PDE4D: variants seen among roughly 807,000 people sequenced by gnomAD.
The protein encoded by PDE4D is phosphodiesterase 4D.
PDE4D carries 24 observed loss-of-function variants against 87.4 expected under a neutral mutation model. The ratio of observed to expected loss-of-function variants is 0.27; its 90% CI spans 0.20 to 0.39. The LOEUF is 0.39. Among genes scored for constraint, PDE4D ranks in the 10% least tolerant of loss-of-function variants. PDE4D has a pLI of 1.00. For synonymous variants in PDE4D, 384 were observed against 383.2 expected (o/e 1.00, Z -0.02); for missense variants, 714 against 1,041.0 (o/e 0.69, Z 4.32).
rs59177482 is a variant in PDE4D at position 59,651,258 on chromosome 5, C to CAATAAT, written c.455+241904_455+241909dup. ...GCAACAGAGTGAGACTCTGTCTCAA[C>CAATAAT]AATAATAATAATAATAATAATAATA... On this transcript the variant is annotated intron_variant, in intron 1 of 14. Transcript: ENST00000340635. 5.7e-3 allele frequency among the ~76,000 whole-genome samples: 804 copies of CAATAAT among 142,242 alleles called. 6 individuals carry two copies. The highest frequency in any genetic ancestry group is 0.011 in the African/African-American group (415 of 38,408). 93.3% of individuals were successfully genotyped at this position (142,242 alleles called of 152,430 possible). A position where few individuals can be genotyped will look rare whatever the true frequency, so the allele number is the denominator to read the frequency against.
intron 1 of PDE4D, among the ~76,000 whole-genome samples, chr5:59,375,088 A>G (rs904372069): frequency 1.3e-5 from 2 of 152,226 alleles, no homozygotes; most frequent in African/African-American, 4.8e-5. Flanking sequence ...AGTTAGAAAG[A>G]TCTCAAGTCA....
intron 1 of PDE4D, among the ~76,000 whole-genome samples, chr5:59,842,646 C>T (rs985894812): frequency 6.6e-6 from 1 of 151,970 alleles, no homozygotes; most frequent in Admixed American, 6.6e-5. Context: ...TTCCACTGGC[C>T]ACATAATAAT....
At chr5:60,005,541 G>T (rs1764394191) in intron 2 of PDE4D, among the ~76,000 whole-genome samples, 2 of 151,952 alleles carry the variant, frequency 1.3e-5, no homozygotes, top group South Asian at 4.1e-4. Flanking sequence ...TGGATGCATT[G>T]ATTAATTTAT....
chr5:59,344,752 T>C (rs930101531), intron 1 of PDE4D, among the ~76,000 whole-genome samples: 1 of 152,192 alleles, frequency 6.6e-6, no homozygotes, highest in Non-Finnish European at 1.5e-5. Context: ...AATAAAGTGA[T>C]ATATTGTTTC....
chr5:59,296,704 C>T (rs968587439), intron 1 of PDE4D, among the ~76,000 whole-genome samples: 1 of 151,992 alleles, frequency 6.6e-6, no homozygotes, highest in Non-Finnish European at 1.5e-5. Context: ...GACCATGCTT[C>T]TTCATTATAC....
chr5:60,151,697 T>C (rs1781520413), intron 2 of PDE4D, among the ~76,000 whole-genome samples: 1 of 152,140 alleles, frequency 6.6e-6, no homozygotes, highest in African/African-American at 2.4e-5. Context: ...AGAGAAATAG[T>C]TTTACTTCTT....
chr5:60,181,877 A>AT (rs1209897792), intron 2 of PDE4D, among the ~76,000 whole-genome samples: 3 of 152,280 alleles, frequency 2.0e-5, no homozygotes, highest in African/African-American at 7.2e-5. Context: ...AAATGCTAAA[A>AT]TTTTTACTTT....
intron 1 of PDE4D, among the ~76,000 whole-genome samples, chr5:60,346,729 C>T (rs970520729): frequency 6.6e-6 from 1 of 152,078 alleles, no homozygotes; most frequent in African/African-American, 2.4e-5. Flanking sequence ...AAAATAGAGT[C>T]TGGAATAAAG....
intron 5 of PDE4D, among the ~76,000 whole-genome samples, chr5:59,079,857 G>A (rs1406784178): frequency 7.2e-6 from 1 of 139,100 alleles, no homozygotes; most frequent in Non-Finnish European, 1.5e-5. Context: ...GGGGAGAGGA[G>A]AGGAGAGGAG....
chr5:60,108,715 A>C (rs1328164071), intron 2 of PDE4D, among the ~76,000 whole-genome samples: 1 of 152,124 alleles, frequency 6.6e-6, no homozygotes, highest in East Asian at 1.9e-4. Context: ...ACATATCTAC[A>C]ACTATCTGAT....
chr5:59,175,333 A>G (rs896976340), intron 5 of PDE4D, among the ~76,000 whole-genome samples: 2 of 152,164 alleles, frequency 1.3e-5, no homozygotes, highest in African/African-American at 4.8e-5. Flanking sequence ...TGACATACCA[A>G]TATTCTCTGT....
chr5:60,348,612 T>C (rs1177049574), intron 1 of PDE4D, among the ~76,000 whole-genome samples: 2 of 152,176 alleles, frequency 1.3e-5, no homozygotes, highest in Non-Finnish European at 2.9e-5. Context: ...TGAAATAATG[T>C]GAAGTCCAAC....
intron 1 of PDE4D, among the ~76,000 whole-genome samples, chr5:59,362,906 C>T (rs762903626): frequency 1.3e-3 from 191 of 152,254 alleles, no homozygotes; most frequent in Non-Finnish European, 2.0e-3. Flanking sequence ...TTTTCCGTGA[C>T]TGTTCAATAT....
At chr5:59,737,977 C>G (rs555041491) in intron 1 of PDE4D, among the ~76,000 whole-genome samples, 1 of 152,096 alleles carries the variant, frequency 6.6e-6, no homozygotes, top group African/African-American at 2.4e-5. Flanking sequence ...ATATGCAGAG[C>G]CCTATTTTTC....
chr5:60,305,708 T>TA (rs34949876), intron 1 of PDE4D, among the ~76,000 whole-genome samples: 35,716 of 141,446 alleles, frequency 0.25, 4,861 homozygotes, highest in South Asian at 0.41. Context: ...ACTTCTTACT[T>TA]AAAAAAAAAA....
At chr5:59,971,794 C>A (rs1477534664) in intron 3 of PDE4D, among the ~76,000 whole-genome samples, 3 of 152,180 alleles carry the variant, frequency 2.0e-5, no homozygotes, top group African/African-American at 7.2e-5. Context: ...CTAGCAAAGT[C>A]AGGGCACTTT....
intron 1 of PDE4D, among the ~76,000 whole-genome samples, chr5:59,465,497 T>C (rs1326104119): frequency 6.6e-6 from 1 of 152,212 alleles, no homozygotes; most frequent in Non-Finnish European, 1.5e-5. Flanking sequence ...GTACTGTGTA[T>C]ATTTACTACA....
intron 2 of PDE4D, among the ~76,000 whole-genome samples, chr5:60,116,671 T>C (rs1778199580): frequency 6.6e-6 from 1 of 150,934 alleles, no homozygotes; most frequent in Admixed American, 6.6e-5. Flanking sequence ...TGCTGCTAAA[T>C]AGAAAAAAAA....
chr5:60,229,707 T>C (rs1192101328), intron 1 of PDE4D, among the ~76,000 whole-genome samples: 1 of 152,104 alleles, frequency 6.6e-6, no homozygotes, highest in African/African-American at 2.4e-5. Flanking sequence ...GCCCACTTAC[T>C]ATCATCAAAA....
Sources: allele counts gnomAD v4.1 joint callset (sites outside exome capture counted in the v4.1 genomes callset), GRCh38; gene constraint gnomAD v4.1.1; transcripts MANE v1.5; gene names NCBI Gene and HGNC (gene_info 2026-07-23, HGNC 2026-07-21).